TMEM74: variants seen among roughly 807,000 people sequenced by gnomAD.
The protein encoded by TMEM74 is transmembrane protein 74.
In TMEM74, 13 loss-of-function variants were observed where a neutral mutation model predicts 18.1. The ratio of observed to expected loss-of-function variants is 0.72; its 90% confidence interval spans 0.47 to 1.14. TMEM74 has a LOEUF of 1.14. TMEM74 is among the 50% of genes most tolerant of loss of function. TMEM74 has a pLI of 0.00. For synonymous variants in TMEM74, 159 were observed against 146.6 expected (o/e 1.08, Z -0.61); for missense variants, 372 against 375.9 (o/e 0.99, Z 0.09).
At chr8:108,767,472 G>T (rs1000984280) in intron 1 of TMEM74, among the ~76,000 whole-genome samples, 2 of 152,098 alleles carry the variant, frequency 1.3e-5, no homozygotes, top group Admixed American at 6.5e-5. Context: ...GTCAATATAG[G>T]AAGGATCCAT....
rs1199122765 is a variant in TMEM74, at chr8:108,730,634, C to CTTTTTTTTTTTTTTTTTTTTTTTTT, written n.119+56841_119+56842insAAAAAAAAAAAAAAAAAAAAAAAAA. ...TTAGCTTTAAATGTATGCAGACTTC[C>CTTTTTTTTTTTTTTTTTTTTTTTTT]TTTTTTTTTTTTTTTTTGTGACGGA... is the stretch of plus-strand genomic sequence containing the variant. On this transcript the variant is annotated intron_variant and non_coding_transcript_variant, in intron 1 of 3. Transcript: ENST00000518838. Among the ~76,000 whole-genome samples the CTTTTTTTTTTTTTTTTTTTTTTTTT allele has an allele frequency of 2.6e-4, 34 of 132,180 alleles. 1 individual carries two copies. Among genetic ancestry groups the CTTTTTTTTTTTTTTTTTTTTTTTTT allele is most frequent in the African/African-American group, 9.8e-4 (32 of 32,672 alleles). 86.7% of individuals were successfully genotyped at this position (132,180 alleles called of 152,430 possible).
chr8:108,646,204 C>T (rs1009365484), intron 2 of TMEM74, among the ~76,000 whole-genome samples: 1 of 151,574 alleles, frequency 6.6e-6, no homozygotes, highest in African/African-American at 2.4e-5. Flanking sequence ...TGTATCCATG[C>T]TAAATATACA....
At chr8:108,687,203 A>T (rs1042967291) in intron 1 of TMEM74, among the ~76,000 whole-genome samples, 2 of 152,152 alleles carry the variant, frequency 1.3e-5, no homozygotes, top group African/African-American at 2.4e-5. Context: ...AGTGCAAGAG[A>T]TTATTTTGAC....
intron 1 of TMEM74, among the ~76,000 whole-genome samples, chr8:108,686,324 C>CA (rs903048423): frequency 1.3e-5 from 2 of 151,918 alleles, no homozygotes; most frequent in African/African-American, 4.8e-5. Flanking sequence ...TCAGCCTCCC[C>CA]AGTAGCTGGG....
chr8:108,768,540 T>C (rs1258302395), intron 1 of TMEM74, among the ~76,000 whole-genome samples: 4 of 152,122 alleles, frequency 2.6e-5, no homozygotes, highest in Non-Finnish European at 4.4e-5. Context: ...CATACATAGG[T>C]GTTGTCTCTG....
At chr8:108,632,605 T>C (rs945838017) in intron 2 of TMEM74, among the ~76,000 whole-genome samples, 4 of 151,998 alleles carry the variant, frequency 2.6e-5, no homozygotes, top group African/African-American at 9.7e-5. Flanking sequence ...TCACATGAAG[T>C]AGAAAATGAA....
intron 2 of TMEM74, among the ~76,000 whole-genome samples, chr8:108,614,897 G>A (rs149095439): frequency 7.9e-5 from 12 of 152,274 alleles, no homozygotes; most frequent in Middle Eastern, 6.8e-3. Context: ...GTAGTATAAT[G>A]TAATTAAATT....
chr8:108,725,382 A>C (rs1331597703), intron 1 of TMEM74, among the ~76,000 whole-genome samples: 1 of 152,200 alleles, frequency 6.6e-6, no homozygotes, highest in Non-Finnish European at 1.5e-5. Context: ...TAAAAGGAAA[A>C]TAGGGGCTCA....
At chr8:108,695,745 G>T (rs534651354) in intron 1 of TMEM74, among the ~76,000 whole-genome samples, 1 of 151,984 alleles carries the variant, frequency 6.6e-6, no homozygotes, top group Non-Finnish European at 1.5e-5. Flanking sequence ...CCTTTCTAAG[G>T]AACTAAAAAA....
intron 2 of TMEM74, among the ~76,000 whole-genome samples, chr8:108,621,150 A>G (rs188405760): frequency 6.6e-6 from 1 of 152,288 alleles, no homozygotes; most frequent in East Asian, 1.9e-4. Flanking sequence ...AGTCTGTTTA[A>G]GAGGTGATCA....
At chr8:108,724,218 C>T (rs1265177312) in intron 1 of TMEM74, among the ~76,000 whole-genome samples, 1 of 152,184 alleles carries the variant, frequency 6.6e-6, no homozygotes, top group Non-Finnish European at 1.5e-5. Context: ...TCCTGCACTT[C>T]ATGTAAATCT....
chr8:108,683,781 A>G (rs1169297667), intron 1 of TMEM74, among the ~76,000 whole-genome samples: 1 of 151,972 alleles, frequency 6.6e-6, no homozygotes, highest in Non-Finnish European at 1.5e-5. Flanking sequence ...AGTCTCTGGT[A>G]TCCTCTATTC....
At chr8:108,746,341 T>G (rs1406840329) in intron 1 of TMEM74, among the ~76,000 whole-genome samples, 1 of 152,000 alleles carries the variant, frequency 6.6e-6, no homozygotes, top group Non-Finnish European at 1.5e-5. Flanking sequence ...ATCTTGGTTT[T>G]CCCTAGGCAA....
chr8:108,756,708 GAAA>G (rs1813976508), intron 1 of TMEM74, among the ~76,000 whole-genome samples: 1 of 99,922 alleles, frequency 1.0e-5, no homozygotes. Context: ...AGGAAGGAAA[GAAA>G]GAAAGAAAGA....
At chr8:108,777,678 G>C (rs1814249032), downstream of TMEM74, among the ~76,000 whole-genome samples, 1 of 152,128 alleles carries the variant, frequency 6.6e-6, no homozygotes, top group Non-Finnish European at 1.5e-5. Context: ...TATAATTTTA[G>C]TGAAGGAGTC....
At chr8:108,731,206 A>G (rs561751010) in intron 1 of TMEM74, among the ~76,000 whole-genome samples, 2 of 151,928 alleles carry the variant, frequency 1.3e-5, no homozygotes, top group African/African-American at 4.8e-5. Flanking sequence ...TTGCTATTTC[A>G]TGTCGTTATC....
chr8:108,648,085 T>C (rs951169892), intron 2 of TMEM74, among the ~76,000 whole-genome samples: 1 of 152,140 alleles, frequency 6.6e-6, no homozygotes, highest in Non-Finnish European at 1.5e-5. Flanking sequence ...TTTTGGTAAA[T>C]TGAAAAATAG....
At chr8:108,662,067 C>A (rs1290113938) in intron 1 of TMEM74, among the ~76,000 whole-genome samples, 7 of 152,028 alleles carry the variant, frequency 4.6e-5, no homozygotes, top group South Asian at 4.1e-4. Context: ...AAAATGAAAG[C>A]AGCTGAAGAT....
At chr8:108,712,864 G>A (rs892997482) in intron 1 of TMEM74, among the ~76,000 whole-genome samples, 2 of 152,190 alleles carry the variant, frequency 1.3e-5, no homozygotes, top group African/African-American at 4.8e-5. Flanking sequence ...GATGGAGTGA[G>A]GGGTGAAGCT....
Sources: gnomAD v4.1 joint callset for allele counts (sites outside exome capture counted in the v4.1 genomes callset) on GRCh38, gnomAD v4.1.1 for gene constraint, MANE v1.5 for transcripts, NCBI Gene and HGNC (gene_info 2026-07-23, HGNC 2026-07-21) for gene names.